Variants in IPO5 observed in about 807,000 individuals in gnomAD.
The protein encoded by IPO5 is importin-5.
Under a neutral mutation model 143.3 loss-of-function variants are expected in IPO5, and 18 were observed. That is an observed-to-expected ratio of 0.13 (90% CI 0.09 to 0.19). The LOEUF (loss-of-function observed/expected upper bound fraction) is 0.19, where lower values mean the gene tolerates loss of function less well. Ranked by LOEUF, IPO5 falls within the 10% of genes least tolerant of loss-of-function variation. IPO5 has a pLI of 1.00. For missense variants in IPO5, 1,013 were observed against 1,336.9 expected (o/e 0.76, Z 3.78); for synonymous variants, 477 against 465.7 (o/e 1.02, Z -0.31).
intron 4 of IPO5, among the ~76,000 whole-genome samples, chr13:97,980,894 T>A (rs1594055138): frequency 6.6e-6 from 1 of 151,882 alleles, no homozygotes; most frequent in African/African-American, 2.4e-5. Context: ...GTGTTAAACA[T>A]TGATCACATT....
chr13:98,010,803 TGGAGTCTCTC>T (rs1889650854), intron 20 of IPO5, among the ~76,000 whole-genome samples: 2 of 138,074 alleles, frequency 1.4e-5, no homozygotes, highest in African/African-American at 5.7e-5. Context: ...TTTTTTGAGG[TGGAGTCTCTC>T]TTTTTCACCC....
At chr13:98,008,777 T>C (rs1415781574) in intron 18 of IPO5, among the ~76,000 whole-genome samples, 3 of 152,222 alleles carry the variant, frequency 2.0e-5, no homozygotes, top group African/African-American at 7.2e-5. Flanking sequence ...AACACTGTTA[T>C]AGTAACATCA....
Position 98,009,865 on chromosome 13 carries a change from T to A in IPO5, c.1801-16T>A, listed in dbSNP as rs760431668. On this transcript the variant is annotated splice_polypyrimidine_tract_variant and intron_variant, in intron 18 of 28. Coordinates refer to ENST00000651721, the MANE Select transcript of IPO5 (RefSeq NM_002271.6). ...ATTGTTTTTTAATCTATTTTAATTT[T>A]AAAATTTTTCCCCAGATCTCTTACA... 4.5e-6 allele frequency: 7 copies of A among 1,552,290 alleles called. No individual in the cohort carries two copies. The highest frequency in any genetic ancestry group is 1.7e-4 in the Middle Eastern group (1 of 5,926).
intron 5 of IPO5, 83 bp from the exon 6 acceptor site, chr13:97,985,338 C>A: frequency 2.8e-6 from 3 of 1,086,294 alleles, no homozygotes; most frequent in South Asian, 1.4e-5. Context: ...GAAAATTAGG[C>A]GCTTTTGAAA....
intron 4 of IPO5, chr13:97,981,180 G>A (rs1886814806): frequency 3.2e-5 from 14 of 435,910 alleles, no homozygotes; most frequent in South Asian, 2.3e-4. Context: ...TACTAGAATG[G>A]GAACTTGAGG....
At chr13:98,013,242 GTTTGTT>G (rs1179237962) in intron 21 of IPO5, among the ~76,000 whole-genome samples, 2 of 151,920 alleles carry the variant, frequency 1.3e-5, no homozygotes, top group Admixed American at 6.6e-5. Context: ...TTTTTTGTTT[GTTTGTT>G]TTTGTTTTTA....
In IPO5 at chr13:98,008,135, A is replaced by T. The variant is rs767266660; in HGVS notation, c.1793A>T (p.Asp598Val). The T allele has an allele frequency of 3.1e-6, 5 of 1,600,908 alleles. No homozygotes were observed. Among genetic ancestry groups the T allele is most frequent in the Non-Finnish European group, 4.3e-6 (5 of 1,167,952 alleles). Reference sequence around the variant, plus strand: ...GACTTCAATGATATGGAAGATGATGATCCTCAGGTAAGTGGTCTTAATGCA... The same window carrying T: ...GACTTCAATGATATGGAAGATGATGTTCCTCAGGTAAGTGGTCTTAATGCA... ...QTDFNDMEDD[D>V]PQISYMISAW... is the part of the protein sequence containing the mutation. Residue 598 changes from aspartate (D) to valine (V), a missense_variant, in exon 18 of 29, where the codon GAT (aspartate) becomes GTT (valine). Physicochemically the swap from Asp to Val is radical, Grantham distance 152. Around this residue, in one of 2 missense-constraint regions of IPO5, gnomAD observed 685 missense variants for 994.9 expected, o/e 0.69. Transcript: ENST00000651721.
At chr13:98,002,834 C>T (rs1888919544) in intron 15 of IPO5, 30 bp from the exon 16 acceptor site, 1 of 1,600,706 alleles carries the variant, frequency 6.2e-7, no homozygotes, top group Non-Finnish European at 8.5e-7. Context: ...GACATTTCAA[C>T]ATGTGTGCCC....
intron 2 of IPO5, among the ~76,000 whole-genome samples, chr13:97,966,436 CAT>C (rs1163218970): frequency 6.6e-6 from 1 of 152,124 alleles, no homozygotes; most frequent in Non-Finnish European, 1.5e-5. Flanking sequence ...CATTGATTTT[CAT>C]ATGTTATGCC....
rs1889240839 is a variant in IPO5, at chr13:98,006,357, T to A, written c.1716+9T>A. 2.2e-5 allele frequency: 2 copies of A among 90,326 alleles called. No homozygotes were observed. Among genetic ancestry groups the A allele is most frequent in the East Asian group, 1.8e-4 (1 of 5,604 alleles). The allele number at this position is 90,326 out of a possible 1,614,324, so 5.6% of individuals were successfully genotyped here. Reference sequence around the variant, plus strand: ...CTGTTGGGAAGGAAAAAGTAAGTAATTTTTTTTTTTTTTTTTTTTTTTTTT... The same window carrying A: ...CTGTTGGGAAGGAAAAAGTAAGTAAATTTTTTTTTTTTTTTTTTTTTTTTT... On this transcript the variant is annotated intron_variant, in intron 17 of 28. Coordinates refer to ENST00000651721, the MANE Select transcript of IPO5 (RefSeq NM_002271.6).
At chr13:97,956,492 A>T (rs1884471587) in intron 2 of IPO5, among the ~76,000 whole-genome samples, 2 of 152,186 alleles carry the variant, frequency 1.3e-5, no homozygotes, top group Admixed American at 1.3e-4. Flanking sequence ...ACATTGTTGG[A>T]TCTCACCCTT....
At chr13:98,007,372 A>C (rs1889353242) in intron 17 of IPO5, 1 of 152,230 alleles carries the variant, frequency 6.6e-6, no homozygotes, top group Non-Finnish European at 1.5e-5. Context: ...ATCTTCAGAA[A>C]ATAATTACCA....
chr13:97,991,605 G>A (rs1401287215), intron 9 of IPO5, among the ~76,000 whole-genome samples: 2 of 152,102 alleles, frequency 1.3e-5, no homozygotes, highest in Non-Finnish European at 2.9e-5. Context: ...TCAGAAATCC[G>A]AAATACTCAA....
At position 97,989,412 on chromosome 13, in the gene IPO5, G is replaced by A. The variant is rs576363908; in HGVS notation, c.467+248G>A. Reference sequence around the variant, plus strand: ...CTTTCTCTTTGTCTTTTATGATTCTGAAAGTTTTATTGAACAGTTTCCTCT... The same window carrying A: ...CTTTCTCTTTGTCTTTTATGATTCTAAAAGTTTTATTGAACAGTTTCCTCT... On this transcript the variant is annotated intron_variant, in intron 7 of 28. Coordinates refer to ENST00000651721, the MANE Select transcript of IPO5 (RefSeq NM_002271.6). 2.0e-5 allele frequency among the ~76,000 whole-genome samples: 3 copies of A among 152,092 alleles called. 1 individual carries two copies. Among genetic ancestry groups the A allele is most frequent in the African/African-American group, 7.2e-5 (3 of 41,508 alleles).
intron 28 of IPO5, chr13:98,021,365 G>T: frequency 2.6e-6 from 1 of 389,182 alleles, no homozygotes; most frequent in Non-Finnish European, 4.5e-6. Context: ...TTACCAGTTG[G>T]TGCTTAACAC....
chr13:98,015,432 A>C (rs1890061729), intron 22 of IPO5, 98 bp from the exon 23 acceptor site: 2 of 692,038 alleles, frequency 2.9e-6, no homozygotes, highest in African/African-American at 3.6e-5. Flanking sequence ...AGGATACTGA[A>C]CTGTGTTCAT....
At chr13:98,014,292 A>T in intron 22 of IPO5, 78 bp downstream of exon 22, 4 of 1,102,526 alleles carry the variant, frequency 3.6e-6, no homozygotes, top group Non-Finnish European at 5.2e-6. Flanking sequence ...AAAAAAAAAA[A>T]TTTGAGACAG....
intron 18 of IPO5, among the ~76,000 whole-genome samples, chr13:98,008,915 C>A (rs534635409): frequency 1.9e-4 from 29 of 152,266 alleles, no homozygotes; most frequent in Non-Finnish European, 3.7e-4. Context: ...GGAAAACATA[C>A]CATTTTGCAA....
intron 4 of IPO5, chr13:97,981,293 T>C (rs1342362712): frequency 2.2e-6 from 1 of 455,248 alleles, no homozygotes; most frequent in Non-Finnish European, 4.4e-6. Flanking sequence ...TAAATAGAAC[T>C]GGTTGTTTAA....
Sources: allele counts gnomAD v4.1 joint callset (sites outside exome capture counted in the v4.1 genomes callset), GRCh38; gene constraint gnomAD v4.1.1; regional missense constraint gnomAD v4.1.1; transcripts MANE v1.5; gene names NCBI Gene and HGNC (gene_info 2026-07-23, HGNC 2026-07-21).